The following RIMBP2 variants were observed in gnomAD, a reference collection of about 807,000 sequenced individuals.
The protein encoded by RIMBP2 is RIMS binding protein 2, also known as RIMS-binding protein 2.
Under a neutral mutation model 118.6 loss-of-function variants are expected in RIMBP2, and 48 were observed. The observed-to-expected ratio is 0.40, with a 90% CI of 0.32 to 0.51. The LOEUF is 0.51. RIMBP2 is among the 20% of genes least tolerant of loss of function. RIMBP2 has a pLI of 0.41. For synonymous variants in RIMBP2, 762 were observed against 742.9 expected (o/e 1.03, Z -0.42); for missense variants, 1,551 against 1,768.3 (o/e 0.88, Z 2.20).
chr12:130,453,367 C>T (rs2079154824), intron 7 of RIMBP2, among the ~76,000 whole-genome samples: 1 of 152,378 alleles, frequency 6.6e-6, no homozygotes, highest in South Asian at 2.1e-4. Context: ...CACATCCACC[C>T]GGGACCCCTT....
At chr12:130,403,311 A>AAAG (rs1296566909) in intron 21 of RIMBP2, among the ~76,000 whole-genome samples, 1 of 152,216 alleles carries the variant, frequency 6.6e-6, no homozygotes, top group East Asian at 1.9e-4. Context: ...TGGTAAATAA[A>AAAG]AAGAAGCATA....
intron 2 of RIMBP2, among the ~76,000 whole-genome samples, chr12:130,524,072 A>G (rs1445695145): frequency 6.6e-6 from 1 of 151,976 alleles, no homozygotes; most frequent in Non-Finnish European, 1.5e-5. Flanking sequence ...GCTGGCCTCA[A>G]AGAGGTTGCC....
chr12:130,622,696 T>C lies in RIMBP2; in HGVS notation c.-217+5626A>G, dbSNP rs1002731167. 7.2e-5 allele frequency among the ~76,000 whole-genome samples: 11 copies of C among 152,204 alleles called. No individual in the cohort carries two copies. The highest frequency in any genetic ancestry group is 2.7e-4 in the African/African-American group (11 of 41,430). On this transcript the variant is annotated intron_variant, in intron 2 of 22. Transcript: ENST00000690449. This position sits in a 1 kb window ranked among gnomAD's most constrained non-coding sequence, Gnocchi z 8.5. ...TACATGACCATAGCTAGCTAGGGTTTGTTGATTGTTTTTGTCTATTTTATT... is the reference window on the plus strand; with the variant it reads ...TACATGACCATAGCTAGCTAGGGTTCGTTGATTGTTTTTGTCTATTTTATT...
intron 2 of RIMBP2, among the ~76,000 whole-genome samples, chr12:130,618,857 T>C (rs1009303156): frequency 1.3e-5 from 2 of 152,138 alleles, no homozygotes; most frequent in Admixed American, 6.6e-5. Context: ...TGGCTAATAG[T>C]GCAAGCCTCA....
At chr12:130,483,783 A>G (rs1404035134) in intron 4 of RIMBP2, among the ~76,000 whole-genome samples, 5 of 128,420 alleles carry the variant, frequency 3.9e-5, no homozygotes, top group South Asian at 2.8e-4. Context: ...ACCTACACAC[A>G]GTGCCCGGAG....
chr12:130,640,651 A>C (rs903069566), intron 1 of RIMBP2, among the ~76,000 whole-genome samples: 2 of 152,178 alleles, frequency 1.3e-5, no homozygotes, highest in Non-Finnish European at 2.9e-5. Context: ...CGAGGGAGAC[A>C]CCACGGCCGG....
chr12:130,500,165 A>G (rs1032728699), intron 4 of RIMBP2, among the ~76,000 whole-genome samples: 6 of 152,178 alleles, frequency 3.9e-5, no homozygotes, highest in Non-Finnish European at 7.4e-5. Flanking sequence ...AGGGCTCTGT[A>G]AAGAACCATG....
chr12:130,672,102 C>T lies in RIMBP2; in HGVS notation c.-351-43646G>A, dbSNP rs553237816. The stretch of plus-strand genomic sequence containing the variant: ...GTGGAAGCTGAAAACTCCACAGACT[C>T]GTGTCGGTTGGACGACTCGGAATGT... On this transcript the variant is annotated intron_variant, in intron 1 of 22. Transcript: ENST00000690449. Among the ~76,000 whole-genome samples, 3 of 152,274 alleles carry T rather than the reference C, an allele frequency of 2.0e-5. No individual in the cohort carries two copies. In the South Asian group the frequency reaches 6.2e-4, roughly 32 times the overall value.
chr12:130,476,594 C>T lies in RIMBP2; in HGVS notation c.102+2318G>A, dbSNP rs184828944. On this transcript the variant is annotated intron_variant, in intron 5 of 22. Coordinates refer to ENST00000690449, the MANE Select transcript of RIMBP2 (RefSeq NM_001393629.1). ...TGCGCTGGGCTGGTTCCCAAGGGGG[C>T]CTGTGTGTGCTGCTCCCTAACCCTT... Among the ~76,000 whole-genome samples, 110 of 152,332 alleles carry T rather than the reference C, an allele frequency of 7.2e-4. 1 individual carries two copies. Among genetic ancestry groups the T allele is most frequent in the African/African-American group, 2.5e-3 (104 of 41,572 alleles).
intron 1 of RIMBP2, among the ~76,000 whole-genome samples, chr12:130,711,249 A>G (rs1949898238): frequency 3.3e-5 from 5 of 152,002 alleles, no homozygotes; most frequent in Admixed American, 3.3e-4. Context: ...TCTCAAAAGA[A>G]AAAAAAAGAA....
At chr12:130,438,334 A>AGCCCCCCCCC in intron 12 of RIMBP2, 31 bp downstream of exon 12, 1 of 1,344,516 alleles carries the variant, frequency 7.4e-7, no homozygotes, top group Non-Finnish European at 1.1e-6. Flanking sequence ...GGGCCTAACA[A>AGCCCCCCCCC]ACCCTCCCCA....
intron 22 of RIMBP2, 74 bp from the exon 23 acceptor site, chr12:130,397,623 G>A: frequency 7.5e-6 from 3 of 397,852 alleles, no homozygotes; most frequent in Non-Finnish European, 1.3e-5. Flanking sequence ...ACATCGTACT[G>A]TCCCCGTTTC....
chr12:130,421,836 C>T (rs2076432419), intron 17 of RIMBP2, among the ~76,000 whole-genome samples: 1 of 152,278 alleles, frequency 6.6e-6, no homozygotes, highest in South Asian at 2.1e-4. Flanking sequence ...AAGTATCCCC[C>T]TCCATGGATT....
Position 130,621,653 on chromosome 12 carries a change from C to T in RIMBP2, c.-217+6669G>A, listed in dbSNP as rs944672249. ...TCAGCAGCCTCATTTATGTGTCCTG[C>T]AGAACAAAAGGAGCAAGTAAATGAC... On this transcript the variant is annotated intron_variant, in intron 2 of 22. Transcript: ENST00000690449. The surrounding 1 kb of genome is among the most constrained non-coding windows in gnomAD (Gnocchi z 6.6). 6.6e-6 allele frequency among the ~76,000 whole-genome samples: 1 copy of T among 152,172 alleles called. No homozygotes were observed. Among genetic ancestry groups the T allele is most frequent in the African/African-American group, 2.4e-5 (1 of 41,426 alleles).
chr12:130,445,065 G>T, intron 10 of RIMBP2, 95 bp downstream of exon 10: 1 of 761,336 alleles, frequency 1.3e-6, no homozygotes, highest in Non-Finnish European at 2.1e-6. Context: ...GGAGTATGTT[G>T]GGAGCCCTGC....
chr12:130,643,239 C>T (rs1190497553), intron 1 of RIMBP2, among the ~76,000 whole-genome samples: 1 of 152,216 alleles, frequency 6.6e-6, no homozygotes, highest in Non-Finnish European at 1.5e-5. Flanking sequence ...AGCTCACACT[C>T]GCCCTGGCCC....
At chr12:130,705,094 CGGCTGCCTCTGGG>C (rs2066037215) in intron 1 of RIMBP2, among the ~76,000 whole-genome samples, 1 of 152,174 alleles carries the variant, frequency 6.6e-6, no homozygotes, top group South Asian at 2.1e-4. Context: ...CTGCCAGCAC[CGGCTGCCTCTGGG>C]GGCTCCTCTC....
At chr12:130,708,887 C>T (rs931610832) in intron 1 of RIMBP2, among the ~76,000 whole-genome samples, 6 of 152,164 alleles carry the variant, frequency 3.9e-5, no homozygotes, top group Admixed American at 2.6e-4. Flanking sequence ...GTAGTCCCAA[C>T]CCAGCTTCGC....
rs567783977 is a variant in RIMBP2 at position 130,703,588 on chromosome 12, G to A, written c.-352+12634C>T. The stretch of plus-strand genomic sequence containing the variant: ...CCTGGCATGGGCTCCATCAGATCCC[G>A]TAATCGGATCCGGGCGCTTTAGCCC... On this transcript the variant is annotated intron_variant, in intron 1 of 22. Transcript: ENST00000690449. The surrounding 1 kb of genome is among the most constrained non-coding windows in gnomAD (Gnocchi z 5.7). Among the ~76,000 whole-genome samples, 21 of 152,262 alleles carry A rather than the reference G, an allele frequency of 1.4e-4. No homozygotes were observed. Among genetic ancestry groups the A allele is most frequent in the African/African-American group, 3.4e-4 (14 of 41,550 alleles).
Sources: allele counts gnomAD v4.1 joint callset (sites outside exome capture counted in the v4.1 genomes callset), GRCh38; gene constraint gnomAD v4.1.1; non-coding constraint Gnocchi (gnomAD v3.1); transcripts MANE v1.5; gene names NCBI Gene and HGNC (gene_info 2026-07-23, HGNC 2026-07-21).